Variants in TRAF3 observed in about 807,000 individuals in gnomAD.
The protein encoded by TRAF3 is TNF receptor-associated factor 3.
Under a neutral mutation model 62.3 loss-of-function variants are expected in TRAF3, and 13 were observed. That is an observed-to-expected ratio of 0.21 (90% CI 0.14 to 0.33). The LOEUF is 0.33. TRAF3 is among the 10% of genes least tolerant of loss of function. TRAF3 has a pLI of 1.00. For synonymous variants in TRAF3, 269 were observed against 283.4 expected, an observed-to-expected ratio of 0.95 and a Z score of 0.51; for missense variants, 440 against 741.8, an observed-to-expected ratio of 0.59 and a Z score of 4.73.
At chr14:102,779,613 T>C (rs552509390) in intron 1 of TRAF3, among the ~76,000 whole-genome samples, 54 of 152,358 alleles carry the variant, frequency 3.5e-4, no homozygotes, top group Admixed American at 3.3e-3. Context: ...AGGACCTTTC[T>C]AGGGTATTGT....
At chr14:102,870,514 C>A in intron 3 of TRAF3, 68 bp downstream of exon 3, 3 of 1,582,134 alleles carry the variant, frequency 1.9e-6, no homozygotes, top group Non-Finnish European at 2.6e-6. Context: ...CTCCTTCATT[C>A]GTTTCTCTAA....
chr14:102,829,038 C>T (rs772183888), intron 1 of TRAF3, among the ~76,000 whole-genome samples: 24 of 151,962 alleles, frequency 1.6e-4, no homozygotes, highest in South Asian at 1.0e-3. Context: ...TGTGTTTATC[C>T]GTGGGGTGAG....
Position 102,851,831 on chromosome 14 carries a change from G to C in TRAF3, c.-17-18354G>C, listed in dbSNP as rs905616369. On this transcript the variant is annotated intron_variant, in intron 2 of 11. Coordinates refer to ENST00000392745, the MANE Select transcript of TRAF3 (RefSeq NM_145725.3). ...GGATTGCTTGAGCCCAGGAGTTCGA[G>C]ACCAGTCTGGGCCACATTGGCGAGA... 3.7e-4 allele frequency among the ~76,000 whole-genome samples: 57 copies of C among 152,152 alleles called. 1 individual carries two copies. Among genetic ancestry groups the C allele is most frequent in the Non-Finnish European group, 1.5e-5 (1 of 68,018 alleles).
chr14:102,886,981 C>T (rs1190692087), intron 7 of TRAF3, among the ~76,000 whole-genome samples: 1 of 152,208 alleles, frequency 6.6e-6, no homozygotes, highest in East Asian at 1.9e-4. Flanking sequence ...GGGTGGAGGA[C>T]AGCTCCCACA....
At chr14:102,798,727 G>A (rs955549509) in intron 1 of TRAF3, among the ~76,000 whole-genome samples, 2 of 152,138 alleles carry the variant, frequency 1.3e-5, no homozygotes, top group South Asian at 2.1e-4. Context: ...CTCCTGATTC[G>A]GCCTCCCAAA....
At chr14:102,849,143 C>T (rs948346734) in intron 2 of TRAF3, among the ~76,000 whole-genome samples, 1 of 152,168 alleles carries the variant, frequency 6.6e-6, no homozygotes, top group Non-Finnish European at 1.5e-5. Flanking sequence ...AACAATTGAT[C>T]GAAACATTAT....
At chr14:102,895,022 C>T (rs1889927293) in intron 9 of TRAF3, 2 of 454,042 alleles carry the variant, frequency 4.4e-6, no homozygotes, top group Non-Finnish European at 8.9e-6. Flanking sequence ...GTTTTGGAGA[C>T]ATTACTGAGA....
chr14:102,872,093 C>A, intron 4 of TRAF3, 125 bp downstream of exon 4: 2 of 992,864 alleles, frequency 2.0e-6, no homozygotes, highest in South Asian at 1.3e-5. Flanking sequence ...ATGCGGCAGG[C>A]TCCCAGGCAG....
At chr14:102,902,412 G>GA (rs1444928098) in intron 10 of TRAF3, among the ~76,000 whole-genome samples, 1 of 152,212 alleles carries the variant, frequency 6.6e-6, no homozygotes, top group East Asian at 1.9e-4. Context: ...TCGTTCTGGG[G>GA]AACCCCCTGC....
chr14:102,798,652 T>C (rs1407155260), intron 1 of TRAF3, among the ~76,000 whole-genome samples: 2 of 152,044 alleles, frequency 1.3e-5, no homozygotes, highest in Admixed American at 1.3e-4. Context: ...AAACAAAATT[T>C]TTTTTGTAGA....
chr14:102,871,854 TC>T, intron 3 of TRAF3, 62 bp from the exon 4 acceptor site: 1 of 1,505,112 alleles, frequency 6.6e-7, no homozygotes, highest in Non-Finnish European at 9.2e-7. Context: ...GCTCCCAGAA[TC>T]TCCTGAGTCC....
chr14:102,852,741 C>T (rs1887119626), intron 2 of TRAF3, among the ~76,000 whole-genome samples: 1 of 152,008 alleles, frequency 6.6e-6, no homozygotes, highest in African/African-American at 2.4e-5. Context: ...TGCCCTGTCA[C>T]CCAGGCTGGA....
intron 1 of TRAF3, among the ~76,000 whole-genome samples, chr14:102,795,319 G>T (rs1014120630): frequency 4.6e-5 from 7 of 152,202 alleles, no homozygotes; most frequent in African/African-American, 1.7e-4. Flanking sequence ...TGGCTCCAGT[G>T]GTGCCCCAGT....
intron 9 of TRAF3, among the ~76,000 whole-genome samples, chr14:102,896,246 G>A (rs946596782): frequency 6.6e-6 from 1 of 152,072 alleles, no homozygotes; most frequent in Admixed American, 6.6e-5. Flanking sequence ...GCTCAAAAAC[G>A]TCCGCCCCTC....
chr14:102,809,347 C>A (rs1019696172), intron 1 of TRAF3, among the ~76,000 whole-genome samples: 1 of 151,892 alleles, frequency 6.6e-6, no homozygotes, highest in African/African-American at 2.4e-5. Context: ...CCAGGCTGGT[C>A]TGAAACTCCT....
At chr14:102,815,539 G>A (rs1034686101) in intron 1 of TRAF3, among the ~76,000 whole-genome samples, 2 of 152,022 alleles carry the variant, frequency 1.3e-5, no homozygotes, top group Admixed American at 6.6e-5. Flanking sequence ...CTTATTGTGT[G>A]ATCTATTTTG....
At chr14:102,892,047 C>CTTTTT (rs778938323) in intron 9 of TRAF3, among the ~76,000 whole-genome samples, 4 of 121,416 alleles carry the variant, frequency 3.3e-5, no homozygotes, top group African/African-American at 3.0e-5. Context: ...CCATGCTGTT[C>CTTTTT]TTTTTTTTTT....
chr14:102,801,381 T>G (rs1008880822), intron 1 of TRAF3, among the ~76,000 whole-genome samples: 1 of 152,164 alleles, frequency 6.6e-6, no homozygotes, highest in Non-Finnish European at 1.5e-5. Context: ...ATTCAAAAAA[T>G]TCTGAACTCT....
At chr14:102,842,235 T>A (rs1886416717) in intron 2 of TRAF3, among the ~76,000 whole-genome samples, 1 of 150,634 alleles carries the variant, frequency 6.6e-6, no homozygotes, top group South Asian at 2.1e-4. Flanking sequence ...AGAGCAAGAC[T>A]CTGTCTCAAA....
Sources: gnomAD v4.1 joint callset for allele counts (sites outside exome capture counted in the v4.1 genomes callset) on GRCh38, gnomAD v4.1.1 for gene constraint, MANE v1.5 for transcripts, NCBI Gene and HGNC (gene_info 2026-07-23, HGNC 2026-07-21) for gene names.